Variants in DPP6 observed in about 807,000 individuals in gnomAD.
DPP6 encodes dipeptidyl peptidase like 6, also known as A-type potassium channel modulatory protein DPP6.
Under a neutral mutation model 122.6 loss-of-function variants are expected in DPP6, and 69 were observed. The observed-to-expected ratio is 0.56, with a 90% CI of 0.46 to 0.69. DPP6 has a LOEUF of 0.69. DPP6 is among the 30% of genes least tolerant of loss of function. The probability of loss-of-function intolerance (pLI) is 0.00; values close to 1 mark genes in which losing one functional copy is unlikely to be tolerated. For missense variants in DPP6, 928 were observed against 1,116.9 expected, an observed-to-expected ratio of 0.83 and a Z score of 2.41; for synonymous variants, 418 against 433.1, an observed-to-expected ratio of 0.97 and a Z score of 0.43.
intron 1 of DPP6, among the ~76,000 whole-genome samples, chr7:154,444,379 G>A (rs2151286120): frequency 6.6e-6 from 1 of 152,028 alleles, no homozygotes; most frequent in East Asian, 1.9e-4. Flanking sequence ...GCAGGAGAAT[G>A]GCGTGAACCT....
At chr7:154,117,185 T>C (rs531194492) in intron 1 of DPP6, among the ~76,000 whole-genome samples, 2 of 152,262 alleles carry the variant, frequency 1.3e-5, no homozygotes, top group Non-Finnish European at 2.9e-5. Flanking sequence ...TTTAAATTTT[T>C]AAATTTTATT....
chr7:153,944,628 A>G (rs1323202010), intron 1 of DPP6, among the ~76,000 whole-genome samples: 1 of 149,270 alleles, frequency 6.7e-6, no homozygotes, highest in Non-Finnish European at 1.5e-5. Context: ...GCAGGCCATA[A>G]CTAGGAGGGA....
chr7:154,066,353 C>T (rs1466472939), intron 1 of DPP6, among the ~76,000 whole-genome samples: 3 of 152,126 alleles, frequency 2.0e-5, no homozygotes. Context: ...AGTCACTGTG[C>T]CCAGCCTCAG....
the DPP6 span, among the ~76,000 whole-genome samples, chr7:153,803,661 CAT>C: frequency 4.0e-5 from 6 of 151,012 alleles, no homozygotes; most frequent in Non-Finnish European, 5.9e-5. Context: ...AATAAATCTC[CAT>C]ATATATATGT....
At chr7:154,410,543 G>A (rs1356895532) in intron 1 of DPP6, among the ~76,000 whole-genome samples, 4 of 152,166 alleles carry the variant, frequency 2.6e-5, no homozygotes, top group Non-Finnish European at 4.4e-5. Context: ...CCAATATTAT[G>A]ATATGCAATA....
At chr7:154,266,080 TATG>T (rs1803401354) in intron 1 of DPP6, among the ~76,000 whole-genome samples, 1 of 152,200 alleles carries the variant, frequency 6.6e-6, no homozygotes, top group African/African-American at 2.4e-5. Context: ...AGATCTGGTC[TATG>T]ATGAGATTTC....
intron 1 of DPP6, among the ~76,000 whole-genome samples, chr7:154,350,531 A>T (rs1226423371): frequency 6.6e-6 from 1 of 152,008 alleles, no homozygotes; most frequent in Non-Finnish European, 1.5e-5. Flanking sequence ...ATGATGGGGG[A>T]CTACTGTGGT....
chr7:154,005,283 G>A (rs2129047056), intron 1 of DPP6, among the ~76,000 whole-genome samples: 1 of 152,318 alleles, frequency 6.6e-6, no homozygotes, highest in African/African-American at 2.4e-5. Context: ...TGGGCCATCT[G>A]AGAAGTTGGC....
intron 1 of DPP6, among the ~76,000 whole-genome samples, chr7:154,330,822 T>A (rs539471483): frequency 6.6e-6 from 1 of 152,146 alleles, no homozygotes; most frequent in Non-Finnish European, 1.5e-5. Flanking sequence ...GTTGGACAAA[T>A]GCATCTACCT....
chr7:154,394,534 G>T (rs1814912096), intron 1 of DPP6, among the ~76,000 whole-genome samples: 1 of 151,392 alleles, frequency 6.6e-6, no homozygotes, highest in Admixed American at 6.6e-5. Flanking sequence ...CTCTCCTGTG[G>T]GTTGCCTTTT....
In DPP6 at chr7:154,885,749, A is replaced by G. The variant is rs779039294; in HGVS notation, c.2245+5A>G. 1.9e-6 allele frequency: 3 copies of G among 1,582,516 alleles called. No individual in the cohort carries two copies. Among genetic ancestry groups the G allele is most frequent in the East Asian group, 4.6e-5 (2 of 43,258 alleles). On this transcript the variant is annotated splice_donor_5th_base_variant and intron_variant, in intron 22 of 25. Transcript: ENST00000377770. The stretch of plus-strand genomic sequence containing the variant: ...TAACAGACTTCAAACTCTATGGTAA[A>G]TAGCCCTGCAGGACCAAGCGACGGG...
intron 9 of DPP6, 30 bp downstream of exon 9, chr7:154,769,601 C>A (rs536270832): frequency 1.3e-6 from 2 of 1,539,984 alleles, no homozygotes; most frequent in East Asian, 2.3e-5. Context: ...ACAGCAAATT[C>A]TTTATATTAT....
chr7:154,795,788 AAAAAAAAAG>A (rs2150435300), intron 11 of DPP6, 48 bp from the exon 12 acceptor site: 1 of 1,523,724 alleles, frequency 6.6e-7, no homozygotes, highest in Non-Finnish European at 8.8e-7. Context: ...TACATGCAAA[AAAAAAAAAG>A]AAAAGAAAAG....
intron 1 of DPP6, among the ~76,000 whole-genome samples, chr7:154,338,604 G>A (rs940013250): frequency 1.3e-5 from 2 of 152,178 alleles, no homozygotes; most frequent in African/African-American, 2.4e-5. Context: ...TAAGCACATC[G>A]TTTTGAAAGA....
chr7:153,879,861 A>G, the DPP6 span, among the ~76,000 whole-genome samples: 15 of 152,294 alleles, frequency 9.8e-5, no homozygotes, highest in East Asian at 2.9e-3. Context: ...AGTTTTATTT[A>G]TTACCTCATT....
At chr7:154,881,883 A>G (rs1276089203) in intron 21 of DPP6, among the ~76,000 whole-genome samples, 2 of 152,080 alleles carry the variant, frequency 1.3e-5, no homozygotes, top group Non-Finnish European at 2.9e-5. Context: ...GGTGCATTCC[A>G]GGTGCCTAGA....
chr7:154,053,070 G>A lies in DPP6; in HGVS notation c.243+7G>A, dbSNP rs1800497684. The A allele has an allele frequency of 1.3e-5, 14 of 1,051,516 alleles. No individual in the cohort carries two copies. The highest frequency in any genetic ancestry group is 1.6e-5 in the Non-Finnish European group (14 of 873,730). 65.1% of individuals were successfully genotyped at this position (1,051,516 alleles called of 1,614,324 possible). On this transcript the variant is annotated splice_region_variant and intron_variant, in intron 1 of 25. Transcript: ENST00000377770. ...CGATGGTGACGAGGAGGACGTAAGA[G>A]CTTCTCGGGGGCGGGGGGCGGCGGC...
chr7:154,323,931 G>A (rs1047710943), intron 1 of DPP6, among the ~76,000 whole-genome samples: 1 of 152,192 alleles, frequency 6.6e-6, no homozygotes, highest in Non-Finnish European at 1.5e-5. Flanking sequence ...AGAGGTACAA[G>A]TGAGACAGTA....
chr7:154,845,927 G>A (rs192537335), intron 16 of DPP6, among the ~76,000 whole-genome samples: 1 of 152,220 alleles, frequency 6.6e-6, no homozygotes, highest in Non-Finnish European at 1.5e-5. Flanking sequence ...GGGCCTCTGT[G>A]GAGATACAGA....
Sources: gnomAD v4.1 joint callset for allele counts (sites outside exome capture counted in the v4.1 genomes callset) on GRCh38, gnomAD v4.1.1 for gene constraint, MANE v1.5 for transcripts, NCBI Gene and HGNC (gene_info 2026-07-23, HGNC 2026-07-21) for gene names.